The following FASN variants were observed in gnomAD, a reference collection of about 807,000 sequenced individuals.
FASN encodes fatty acid synthase.
In FASN, 50 loss-of-function variants were observed where a neutral mutation model predicts 250.0. The observed-to-expected ratio is 0.20, with a 90% CI of 0.16 to 0.25. The LOEUF is 0.25. Among genes scored for constraint, FASN ranks in the 10% least tolerant of loss-of-function variants. FASN has a pLI of 1.00. For synonymous variants in FASN, 1,909 were observed against 1,584.0 expected (o/e 1.21, Z -4.87); for missense variants, 3,031 against 3,498.5 (o/e 0.87, Z 3.37).
chr17:82,086,671 G>A, intron 21 of FASN, 113 bp from the exon 22 acceptor site: 1 of 824,200 alleles, frequency 1.2e-6, no homozygotes, highest in South Asian at 1.4e-5. Flanking sequence ...TCTGCCCACA[G>A]GATGAGAAAT....
intron 13 of FASN, 31 bp downstream of exon 13, chr17:82,089,219 G>A (rs781705962): frequency 5.0e-6 from 8 of 1,609,770 alleles, no homozygotes; most frequent in Non-Finnish European, 6.8e-6. Context: ...CCCCTGGCCC[G>A]CCCCGCACCC....
rs199601515 is a variant in FASN at position 82,082,917 on chromosome 17, T to A, written c.5764A>T (p.Thr1922Ser). ...LVLTSRSGIRTGYQAKQVRRW... is the reference protein window; with the variant it reads ...LVLTSRSGIRSGYQAKQVRRW... ...ACAAGCACCCCTGCCGACTCACCTG[T>A]CCGGATCCCGGAGCGAGAAGTCAAC... The change falls in exon 33 of 43, where the codon ACA (threonine) becomes TCA (serine). Residue 1922 changes from threonine to serine, a missense_variant. Physicochemically the swap from Thr to Ser is moderately conservative, Grantham distance 58. Transcript: ENST00000306749. 2 of 1,612,700 alleles carry A rather than the reference T, an allele frequency of 1.2e-6. No individual in the cohort carries two copies. Among genetic ancestry groups the A allele is most frequent in the African/African-American group, 2.7e-5 (2 of 75,028 alleles).
rs17848931 is a variant in FASN, at chr17:82,088,601, G to A, written c.2421-39C>T. ...AGGCATGGGTAGCACACCCGTCACCGGGGTCCAGGGGCTCTGGGTTCAGCC... is the reference window on the plus strand; with the variant it reads ...AGGCATGGGTAGCACACCCGTCACCAGGGTCCAGGGGCTCTGGGTTCAGCC... On this transcript the variant is annotated intron_variant, in intron 15 of 42. Coordinates refer to ENST00000306749, the MANE Select transcript of FASN (RefSeq NM_004104.5). 5.9e-5 allele frequency: 94 copies of A among 1,587,948 alleles called. No individual in the cohort carries two copies. The East Asian group carries it at 1.8e-3, about 30-fold the overall frequency.
rs1205456644 is a variant in FASN, at chr17:82,084,083, G to A, written c.4990C>T (p.Arg1664Trp). The change falls in exon 29 of 43, where the codon CGG (arginine) becomes TGG (tryptophan). Residue 1664 changes from arginine to tryptophan, a missense_variant. Physicochemically the swap from Arg to Trp is moderately radical, Grantham distance 101 (BLOSUM62 -3). Coordinates refer to ENST00000306749, the MANE Select transcript of FASN (RefSeq NM_004104.5). ...AGCAGCGTCTCCCCGGGGCGCACCC[G>A]CCCACGCACCACCAGCGCGTAGTAG... ...TAYYALVVRG[R>W]VRPGETLLIH... 5 of 1,558,570 alleles carry A rather than the reference G, an allele frequency of 3.2e-6. No individual in the cohort carries two copies. The highest frequency in any genetic ancestry group is 1.9e-5 in the Admixed American group (1 of 51,948).
At position 82,093,721 on chromosome 17, in the gene FASN, C is replaced by G. The variant is rs145409565; in HGVS notation, c.331G>C (p.Val111Leu). The G allele has an allele frequency of 6.2e-7, 1 of 1,612,766 alleles. No homozygotes were observed. ...GCCTCCGAGGTCTCAGAGCCGCTCA[C>G]GCCCACCCAGACGCCAGTGTGTGTT... ...RGTHTGVWVGVSGSETSEALS... is the reference protein window; with the variant it reads ...RGTHTGVWVGLSGSETSEALS... The change falls in exon 4 of 43, where the codon GTG becomes CTG. Residue 111 changes from valine to leucine, a missense_variant. Coordinates refer to ENST00000306749, the MANE Select transcript of FASN (RefSeq NM_004104.5).
intron 1 of FASN, among the ~76,000 whole-genome samples, chr17:82,097,034 C>A (rs1478826981): frequency 2.0e-5 from 3 of 152,216 alleles, no homozygotes; most frequent in Non-Finnish European, 2.9e-5. Flanking sequence ...GGCCCGCTGT[C>A]CAGGCCAGCC....
rs748487388 is a variant in FASN at position 82,082,578 on chromosome 17, A to G, written c.5868T>C (p.Ile1956=). Residue 1956 remains isoleucine (I), a synonymous_variant, in exon 34 of 43, where the codon ATT becomes ATC. Coordinates refer to ENST00000306749, the MANE Select transcript of FASN (RefSeq NM_004104.5). ...ISSLEGARGL[I]AEAAQLGPVG... ...CGGGCCCAAGCTGCGCCGCCTCGGC[A>G]ATGAGGCCCCGGGCCCCCTCCAGTG... is the stretch of plus-strand genomic sequence containing the variant. 2 of 1,609,828 alleles carry G rather than the reference A, an allele frequency of 1.2e-6. No individual in the cohort carries two copies. Among genetic ancestry groups the G allele is most frequent in the South Asian group, 2.2e-5 (2 of 91,074 alleles).
In FASN at chr17:82,089,074, C is replaced by A. The variant is rs1247258231; in HGVS notation, c.2199G>T (p.Glu733Asp). Residue 733 changes from glutamate to aspartate, a missense_variant, in exon 14 of 43, where the codon GAG becomes GAT. Coordinates refer to ENST00000306749, the MANE Select transcript of FASN (RefSeq NM_004104.5). ...HSSLARTSSA[E>D]YNVNNLVSPV... ...GGCTCACCAGGTTGTTGACATTGTA[C>A]TCGGCGGAGGACGTGCGTGCCAGGC... is the stretch of plus-strand genomic sequence containing the variant. 1 of 1,588,408 alleles carries A rather than the reference C, an allele frequency of 6.3e-7. No homozygotes were observed. Among genetic ancestry groups the A allele is most frequent in the Non-Finnish European group, 8.6e-7 (1 of 1,168,458 alleles).
Position 82,087,807 on chromosome 17 carries a change from C to T in FASN, c.2921G>A (p.Ser974Asn), listed in dbSNP as rs1460984377. The T allele has an allele frequency of 1.2e-6, 2 of 1,612,518 alleles. No individual in the cohort carries two copies. Among genetic ancestry groups the T allele is most frequent in the African/African-American group, 2.7e-5 (2 of 74,916 alleles). The change falls in exon 19 of 43, where the codon AGC becomes AAC. Residue 974 changes from serine to asparagine, a missense_variant. By Grantham distance (46) the Ser-to-Asn change is conservative. Transcript: ENST00000306749. ...PDPRLFDHPE[S>N]PTPNPTEPLF... ...GGGCTCCGTGGGGTTGGGGGTGGGG[C>T]TTTCCGGGTGGTCGAAGAGCCTGGG...
In FASN at chr17:82,086,397, C is replaced by G; in HGVS notation, c.3589G>C (p.Glu1197Gln). The stretch of plus-strand genomic sequence containing the variant: ...TCCTGGGCCAGCACCTGCGCCAGCT[C>G]CAGCTGCAGGTTCCCGTTGAGCTGA... ...RLQLNGNLQL[E>Q]LAQVLAQERP... is the part of the protein sequence containing the mutation. The change falls in exon 22 of 43, where the codon GAG becomes CAG. Residue 1197 changes from glutamate (E) to glutamine (Q), a missense_variant. Physicochemically the swap from Glu to Gln is conservative, Grantham distance 29. Transcript: ENST00000306749. The G allele has an allele frequency of 6.2e-7, 1 of 1,610,650 alleles. No individual in the cohort carries two copies. Among genetic ancestry groups the G allele is most frequent in the Non-Finnish European group, 8.5e-7 (1 of 1,179,878 alleles).
In FASN at chr17:82,092,951, C is replaced by A. The variant is rs1296419349; in HGVS notation, c.724G>T (p.Val242Leu). Residue 242 changes from valine (V) to leucine (L), a missense_variant, in exon 6 of 43, where the codon GTG (valine) becomes TTG (leucine). Physicochemically the swap from Val to Leu is conservative, Grantham distance 32. Coordinates refer to ENST00000306749, the MANE Select transcript of FASN (RefSeq NM_004104.5). ...LLTKKSLARR[V>L]YATILNAGTN... ...CCGGCGTTCAGGATGGTGGCGTACA[C>A]CCGCCGGGCCAGGGACTTCTTGGTC... The A allele has an allele frequency of 3.1e-6, 5 of 1,610,780 alleles. No individual in the cohort carries two copies. The highest frequency in any genetic ancestry group is 3.3e-5 in the Admixed American group (2 of 59,806).
At position 82,088,000 on chromosome 17, in the gene FASN, G is replaced by A. The variant is rs1217083147; in HGVS notation, c.2820C>T (p.Ala940=). Residue 940 remains alanine (A), a synonymous_variant, in exon 18 of 43, where the codon GCC becomes GCT. Transcript: ENST00000306749. ...TVSLEVRLLE[A]SRAFEVSENG... is the part of the protein sequence containing the mutation. ...TCTCTGACACCTCGAAGGCACGGGA[G>A]GCCTCCAGGAGCCGTACCTCCAGGG... The A allele has an allele frequency of 6.2e-7, 1 of 1,612,654 alleles. No homozygotes were observed. Among genetic ancestry groups the A allele is most frequent in the African/African-American group, 1.3e-5 (1 of 74,918 alleles).
chr17:82,080,662 C>T (rs757340544), intron 39 of FASN, 30 bp downstream of exon 39: 3 of 1,558,982 alleles, frequency 1.9e-6, no homozygotes, highest in Non-Finnish European at 2.6e-6. Context: ...CAGCACTGAC[C>T]ACCGCTTCCA....
In FASN at chr17:82,087,832, G is replaced by C; in HGVS notation, c.2896C>G (p.Pro966Ala). ...GKVYQWDDPD[P>A]RLFDHPESPT... ...CTTTCCGGGTGGTCGAAGAGCCTGG[G>C]GTCAGGGTCATCCCACTGGTACACC... The change falls in exon 19 of 43, where the codon CCC becomes GCC. Residue 966 changes from proline (P) to alanine (A), a missense_variant. Physicochemically the swap from Pro to Ala is conservative, Grantham distance 27. Coordinates refer to ENST00000306749, the MANE Select transcript of FASN (RefSeq NM_004104.5). The C allele has an allele frequency of 6.2e-7, 1 of 1,612,648 alleles. No individual in the cohort carries two copies. Among genetic ancestry groups the C allele is most frequent in the Non-Finnish European group, 8.5e-7 (1 of 1,179,904 alleles).
chr17:82,078,898 C>A lies in FASN; in HGVS notation c.*245G>T. The A allele has an allele frequency of 1.7e-6, 1 of 588,136 alleles. No homozygotes were observed. The highest frequency in any genetic ancestry group is 2.9e-5 in the East Asian group (1 of 34,918). The allele number at this position is 588,136 out of a possible 1,614,324, so 36.4% of individuals were successfully genotyped here. On this transcript the variant is annotated 3_prime_UTR_variant, in exon 43 of 43. Coordinates refer to ENST00000306749, the MANE Select transcript of FASN (RefSeq NM_004104.5). This position sits in a 1 kb window ranked among gnomAD's most constrained non-coding sequence, Gnocchi z 5.4. The stretch of plus-strand genomic sequence containing the variant: ...CCAGCCCAGTTCCTGCGGGCACGGG[C>A]ACCACCGGCTCTTCACAGACCAGGA...
chr17:82,091,842 G>A (rs2034215666), intron 8 of FASN, among the ~76,000 whole-genome samples, 158 bp from the exon 9 acceptor site: 1 of 152,154 alleles, frequency 6.6e-6, no homozygotes, highest in Non-Finnish European at 1.5e-5. Flanking sequence ...ATGGCACAGG[G>A]GTCCGAGGAC....
chr17:82,092,917 G>A lies in FASN; in HGVS notation c.758C>T (p.Thr253Ile). The change falls in exon 6 of 43, where the codon ACA becomes ATA. Residue 253 changes from threonine (T) to isoleucine (I), a missense_variant. Thr to Ile is a moderately conservative substitution (Grantham distance 89). Transcript: ENST00000306749. ...CCCACCTTGCTCCTTGAAGCCATCTGTATTGGTGCCGGCGTTCAGGATGGT... is the reference window on the plus strand; with the variant it reads ...CCCACCTTGCTCCTTGAAGCCATCTATATTGGTGCCGGCGTTCAGGATGGT... ...YATILNAGTN[T>I]DGFKEQGVTF... The A allele has an allele frequency of 6.2e-7, 1 of 1,605,274 alleles. No individual in the cohort carries two copies. Among genetic ancestry groups the A allele is most frequent in the Non-Finnish European group, 8.5e-7 (1 of 1,176,626 alleles).
chr17:82,096,676 G>A, intron 1 of FASN: 1 of 625,218 alleles, frequency 1.6e-6, no homozygotes, highest in Non-Finnish European at 2.8e-6. Context: ...CCCGCCTCTG[G>A]GCCCTGACCC....
At chr17:82,094,194 C>T in intron 3 of FASN, 9 of 322,666 alleles carry the variant, frequency 2.8e-5, no homozygotes, top group South Asian at 2.4e-4. Flanking sequence ...CAGCCTGCAC[C>T]AGAACAGGCC....
Sources: gnomAD v4.1 joint callset for allele counts (sites outside exome capture counted in the v4.1 genomes callset) on GRCh38, gnomAD v4.1.1 for gene constraint, Gnocchi (gnomAD v3.1) non-coding constraint, MANE v1.5 for transcripts, NCBI Gene and HGNC (gene_info 2026-07-23, HGNC 2026-07-21) for gene names.